Variants in MCF2 observed in about 807,000 individuals in gnomAD.
MCF2 encodes the protein proto-oncogene DBL.
A neutral mutation model predicts 82.5 loss-of-function variants in MCF2; 44 were observed. That is an observed-to-expected ratio of 0.53 (90% confidence interval 0.42 to 0.69). The LOEUF (loss-of-function observed/expected upper bound fraction) is 0.69. MCF2 is among the 30% of genes least tolerant of loss of function. The pLI is 0.00. For missense variants in MCF2, 623 were observed against 663.1 expected, an observed-to-expected ratio of 0.94 and a Z score of 0.66; for synonymous variants, 217 against 224.9, an observed-to-expected ratio of 0.96 and a Z score of 0.32.
chrX:139,588,765 A>C (rs113610441), intron 20 of MCF2, among the ~76,000 whole-genome samples: 6,645 of 106,079 alleles, frequency 0.063, 343 homozygotes, highest in African/African-American at 0.15. Flanking sequence ...ACTACTACTA[A>C]TAATAATAAT....
At chrX:139,704,241 A>G (rs1211477856) in intron 1 of MCF2, among the ~76,000 whole-genome samples, 1 of 112,209 alleles carries the variant, frequency 8.9e-6, no homozygotes, top group African/African-American at 3.2e-5. Context: ...TGGAAGTCCT[A>G]GCCAGAGCAG....
chrX:139,584,849 C>T (rs745786223), intron 24 of MCF2, among the ~76,000 whole-genome samples: 1 of 111,560 alleles, frequency 9.0e-6, no homozygotes, highest in East Asian at 2.8e-4. Context: ...TCTATTTCAT[C>T]AACATCAGCA....
chrX:139,654,863 G>C (rs1934145493), intron 1 of MCF2, among the ~76,000 whole-genome samples: 1 of 111,903 alleles, frequency 8.9e-6, no homozygotes, highest in Admixed American at 9.5e-5. Flanking sequence ...TCCACATACA[G>C]TTATCCAGTT....
At chrX:139,674,103 T>C (rs749324938) in intron 1 of MCF2, among the ~76,000 whole-genome samples, 2 of 111,420 alleles carry the variant, frequency 1.8e-5, no homozygotes, top group East Asian at 5.6e-4. Flanking sequence ...TCTTTGTTGG[T>C]TTAAAGTCTG....
chrX:139,674,825 A>C (rs1052648696), intron 1 of MCF2, among the ~76,000 whole-genome samples: 6 of 111,551 alleles, frequency 5.4e-5, no homozygotes, highest in Non-Finnish European at 1.1e-4. Flanking sequence ...CTTGAGGATT[A>C]TCTTTGTGGT....
intron 1 of MCF2, among the ~76,000 whole-genome samples, chrX:139,681,723 G>A (rs900728960): frequency 2.7e-5 from 3 of 111,699 alleles, no homozygotes; most frequent in African/African-American, 9.8e-5. Flanking sequence ...GTTCCCTGAA[G>A]GCAGAGATTT....
intron 16 of MCF2, among the ~76,000 whole-genome samples, chrX:139,601,701 A>T (rs1215790102): frequency 9.0e-6 from 1 of 111,576 alleles, no homozygotes; most frequent in Non-Finnish European, 1.9e-5. Context: ...GGAGAATTCC[A>T]AAAATTATGT....
chrX:139,683,458 C>A (rs1167508613), intron 1 of MCF2, among the ~76,000 whole-genome samples: 3 of 112,386 alleles, frequency 2.7e-5, no homozygotes, highest in Non-Finnish European at 5.6e-5. Flanking sequence ...TCCCAGATGG[C>A]TTTTTGCACA....
At chrX:139,645,274 T>G (rs1209802360), upstream of MCF2, among the ~76,000 whole-genome samples, 1 of 111,028 alleles carries the variant, frequency 9.0e-6, no homozygotes, top group African/African-American at 3.3e-5. Context: ...AATAAATAAA[T>G]AATTTTAAAA....
At chrX:139,677,992 G>A (rs958174960) in intron 1 of MCF2, among the ~76,000 whole-genome samples, 4 of 110,918 alleles carry the variant, frequency 3.6e-5, no homozygotes, top group Non-Finnish European at 5.7e-5. Context: ...GTGAAACTCC[G>A]TCTCTACTAA....
At chrX:139,698,242 T>C (rs1179095792) in intron 1 of MCF2, among the ~76,000 whole-genome samples, 1 of 113,029 alleles carries the variant, frequency 8.8e-6, no homozygotes, top group Non-Finnish European at 1.9e-5. Flanking sequence ...ATTATACTTG[T>C]AATAGAGCAA....
intron 1 of MCF2, among the ~76,000 whole-genome samples, chrX:139,665,718 G>C (rs1452062411): frequency 9.2e-6 from 1 of 108,464 alleles, no homozygotes; most frequent in Non-Finnish European, 1.9e-5. Context: ...TTCCTGCAGG[G>C]GGTATGATTG....
In MCF2 at chrX:139,617,610, T is replaced by C; in HGVS notation, c.902A>G (p.Asn301Ser). The change falls in exon 8 of 25, where the codon AAT (asparagine) becomes AGT (serine). Residue 301 changes from asparagine (N) to serine (S), a missense_variant. Transcript: ENST00000370576. ...AATATCAGAAAGGTAACGTAGCTCA[T>C]TGCACCTCTGGCAGATTAAATCAAG... is the stretch of plus-strand genomic sequence containing the variant. 2 of 1,205,719 alleles carry C rather than the reference T, an allele frequency of 1.7e-6. No homozygotes were observed. Among genetic ancestry groups the C allele is most frequent in the Non-Finnish European group, 2.2e-6 (2 of 891,629 alleles).
Position 139,585,049 on chromosome X carries a change from A to G in MCF2, c.2745+17T>C, listed in dbSNP as rs1318644974. On this transcript the variant is annotated intron_variant, in intron 24 of 24. Transcript: ENST00000370576. ...AAAACTGCCTCAATAATTTTAATTT[A>G]CTATATTATTACTAACCATGAGGGG... The G allele has an allele frequency of 9.4e-7, 1 of 1,065,273 alleles. No homozygotes were observed. The highest frequency in any genetic ancestry group is 1.3e-6 in the Non-Finnish European group (1 of 777,703). The allele number at this position is 1,065,273 out of a possible 1,213,427, so 87.8% of individuals were successfully genotyped here.
At chrX:139,669,691 T>C (rs1934625532) in intron 1 of MCF2, among the ~76,000 whole-genome samples, 2 of 111,961 alleles carry the variant, frequency 1.8e-5, no homozygotes, top group Non-Finnish European at 3.8e-5. Context: ...AGCATATCCA[T>C]ACAGTGGAAA....
At chrX:139,664,439 G>C (rs1400703257) in intron 1 of MCF2, among the ~76,000 whole-genome samples, 1 of 111,955 alleles carries the variant, frequency 8.9e-6, no homozygotes, top group Non-Finnish European at 1.9e-5. Context: ...TTTACATTGA[G>C]TCTATGTGTT....
intron 1 of MCF2, among the ~76,000 whole-genome samples, chrX:139,693,395 C>G (rs1042995598): frequency 9.1e-6 from 1 of 109,904 alleles, no homozygotes; most frequent in Non-Finnish European, 1.9e-5. Context: ...GCCAATCATT[C>G]CAAGTAGATC....
chrX:139,646,752 T>A, upstream of MCF2: 3 of 730,814 alleles, frequency 4.1e-6, no homozygotes, highest in Non-Finnish European at 4.0e-6. Context: ...ATATCTGATA[T>A]AAAGCGAATT....
intron 1 of MCF2, among the ~76,000 whole-genome samples, chrX:139,667,595 C>G (rs979458673): frequency 2.0e-4 from 22 of 112,002 alleles, no homozygotes; most frequent in African/African-American, 6.5e-4. Flanking sequence ...CCTCATGATT[C>G]CAGGCTATGT....
Sources: gnomAD v4.1 joint callset for allele counts (sites outside exome capture counted in the v4.1 genomes callset) on GRCh38, gnomAD v4.1.1 for gene constraint, MANE v1.5 for transcripts, NCBI Gene and HGNC (gene_info 2026-07-23, HGNC 2026-07-21) for gene names.